Variants in GPKOW observed in about 807,000 individuals in gnomAD.
GPKOW encodes the protein G-patch domain and KOW motifs.
For missense variants in GPKOW, 359 were observed against 404.7 expected (o/e 0.89, Z 0.97); for synonymous variants, 167 against 159.1 (o/e 1.05, Z -0.37).
chrX:49,118,235 C>T (rs1240451865), intron 4 of GPKOW, among the ~76,000 whole-genome samples: 3 of 110,872 alleles, frequency 2.7e-5, no homozygotes, highest in African/African-American at 9.8e-5. Flanking sequence ...CCAATATTTT[C>T]AAGGTTGCCC....
At chrX:49,117,552 T>C (rs781855310) in intron 5 of GPKOW, 45 bp downstream of exon 5, 7 of 970,213 alleles carry the variant, frequency 7.2e-6, no homozygotes, top group Non-Finnish European at 1.0e-5. Flanking sequence ...GGATCAACCT[T>C]CCCTGCTGCC....
chrX:49,115,639 G>A (rs782430205), intron 9 of GPKOW, 87 bp downstream of exon 9: 1 of 772,697 alleles, frequency 1.3e-6, no homozygotes, highest in Admixed American at 2.3e-5. Flanking sequence ...CCTGAACTCT[G>A]CCAAACCTCC....
chrX:49,115,665 C>G (rs1470779948), intron 9 of GPKOW, 61 bp downstream of exon 9: 4 of 990,088 alleles, frequency 4.0e-6, no homozygotes, highest in Non-Finnish European at 5.8e-6. Context: ...TTGCCTGGGC[C>G]AGGCTCTGGG....
Position 49,113,607 on chromosome X carries a change from A to G in GPKOW, c.*14T>C, listed in dbSNP as rs2065179539. On this transcript the variant is annotated 3_prime_UTR_variant, in exon 11 of 11. Coordinates refer to ENST00000156109, the MANE Select transcript of GPKOW (RefSeq NM_015698.6). The stretch of plus-strand genomic sequence containing the variant: ...AACTGGTACCAGCCTGGGGGATGGG[A>G]GGAGTCCCATGGGTCAGTCATCATC... 1.7e-6 allele frequency: 2 copies of G among 1,205,676 alleles called. No homozygotes were observed. The highest frequency in any genetic ancestry group is 1.8e-5 in the African/African-American group (1 of 56,910).
At chrX:49,116,197 C>A (rs1557090230) in intron 7 of GPKOW, 24 bp downstream of exon 7, 1 of 1,133,024 alleles carries the variant, frequency 8.8e-7, no homozygotes, top group Non-Finnish European at 1.2e-6. Flanking sequence ...CTTCTTGACC[C>A]CTCCCGCATG....
intron 4 of GPKOW, 25 bp downstream of exon 4, chrX:49,119,680 C>T (rs782384923): frequency 7.4e-6 from 7 of 950,368 alleles, no homozygotes; most frequent in Non-Finnish European, 1.1e-5. Flanking sequence ...TCTGTCTGTC[C>T]CCTCGACCCT....
intron 4 of GPKOW, among the ~76,000 whole-genome samples, chrX:49,118,769 C>T (rs1557090666): frequency 1.0e-5 from 1 of 96,551 alleles, no homozygotes; most frequent in Non-Finnish European, 2.0e-5. Context: ...AAAAAAAACG[C>T]CAATTCAGGT....
intron 3 of GPKOW, 105 bp downstream of exon 3, chrX:49,122,293 G>A: frequency 1.5e-6 from 1 of 646,385 alleles, no homozygotes; most frequent in Non-Finnish European, 2.2e-6. Flanking sequence ...GCAGGTGGCG[G>A]GCCTCTAGCA....
At chrX:49,118,040 C>T (rs2065200196) in intron 4 of GPKOW, among the ~76,000 whole-genome samples, 1 of 110,120 alleles carries the variant, frequency 9.1e-6, no homozygotes, top group Non-Finnish European at 1.9e-5. Flanking sequence ...CCTGCCTCAG[C>T]CTCCCGAGTT....
At chrX:49,119,072 C>A (rs1181351920) in intron 4 of GPKOW, among the ~76,000 whole-genome samples, 1 of 106,234 alleles carries the variant, frequency 9.4e-6, no homozygotes, top group African/African-American at 3.4e-5. Context: ...CTGCCTCAGC[C>A]TCCTGAGTAG....
chrX:49,122,292 G>T, intron 3 of GPKOW, 106 bp downstream of exon 3: 2 of 633,075 alleles, frequency 3.2e-6, no homozygotes, highest in South Asian at 4.1e-5. Flanking sequence ...GGCAGGTGGC[G>T]GGCCTCTAGC....
chrX:49,113,517 C>T lies in GPKOW; in HGVS notation c.*104G>A, dbSNP rs2065179172. 4 of 816,941 alleles carry T rather than the reference C, an allele frequency of 4.9e-6. No homozygotes were observed. Among genetic ancestry groups the T allele is most frequent in the Non-Finnish European group, 7.2e-6 (4 of 553,664 alleles). The allele number at this position is 816,941 out of a possible 1,213,427, so 67.3% of individuals were successfully genotyped here. Reference sequence around the variant, plus strand: ...CCCTTGTCCTTGTCCCAGGACTGCACCAGAAGTAGAGGATGGAACAATGAT... The same window carrying T: ...CCCTTGTCCTTGTCCCAGGACTGCATCAGAAGTAGAGGATGGAACAATGAT... On this transcript the variant is annotated 3_prime_UTR_variant, in exon 11 of 11. Coordinates refer to ENST00000156109, the MANE Select transcript of GPKOW (RefSeq NM_015698.6).
At chrX:49,115,582 T>C in intron 9 of GPKOW, 144 bp downstream of exon 9, 2 of 450,777 alleles carry the variant, frequency 4.4e-6, no homozygotes, top group Non-Finnish European at 7.9e-6. Context: ...ACCACCATCA[T>C]GGAAGTGTCT....
At chrX:49,117,833 G>C in intron 4 of GPKOW, 23 bp from the exon 5 acceptor site, 1 of 1,045,683 alleles carries the variant, frequency 9.6e-7, no homozygotes, top group East Asian at 3.2e-5. Flanking sequence ...ATATGGGTTT[G>C]TTGGAGAGGA....
chrX:49,116,772 T>C (rs1379971141), intron 6 of GPKOW, among the ~76,000 whole-genome samples: 1 of 111,672 alleles, frequency 9.0e-6, no homozygotes, highest in Non-Finnish European at 1.9e-5. Flanking sequence ...ATCTCGAAGG[T>C]AGGAATTGGT....
rs868990989 is a variant in GPKOW, at chrX:49,123,695, G to A, written c.28C>T (p.Pro10Ser). The A allele has an allele frequency of 4.1e-6, 5 of 1,204,933 alleles. No homozygotes were observed. The African/African-American group carries it at 8.7e-5, about 21-fold the overall frequency. MADSKEGVL[P>S]LTAASTAPIS... ...GGGGCAGTGGAAGCAGCCGTCAGCGGCAAAACACCCTCTTTGGAGTCAGCC... is the reference window on the plus strand; with the variant it reads ...GGGGCAGTGGAAGCAGCCGTCAGCGACAAAACACCCTCTTTGGAGTCAGCC... The change falls in exon 1 of 11, where the codon CCG becomes TCG. Residue 10 changes from proline (P) to serine (S), a missense_variant. By Grantham distance (74) the Pro-to-Ser change is moderately conservative. Transcript: ENST00000156109.
intron 9 of GPKOW, among the ~76,000 whole-genome samples, chrX:49,114,250 C>T (rs2065182682): frequency 9.0e-6 from 1 of 110,752 alleles, no homozygotes; most frequent in Non-Finnish European, 1.9e-5. Flanking sequence ...AACGATTCTC[C>T]TGCCTCAGCC....
At chrX:49,118,712 C>T (rs1278843014) in intron 4 of GPKOW, among the ~76,000 whole-genome samples, 1 of 76,386 alleles carries the variant, frequency 1.3e-5, no homozygotes, top group African/African-American at 5.2e-5. Flanking sequence ...GCATCCCAGC[C>T]TGGGTGACAG....
At chrX:49,114,428 C>G (rs1303113088) in intron 9 of GPKOW, among the ~76,000 whole-genome samples, 1 of 106,118 alleles carries the variant, frequency 9.4e-6, no homozygotes, top group Non-Finnish European at 1.9e-5. Flanking sequence ...CATGAGCCAC[C>G]GCGCCCAGCC....
Sources: gnomAD v4.1 joint callset for allele counts (sites outside exome capture counted in the v4.1 genomes callset) on GRCh38, gnomAD v4.1.1 for gene constraint, MANE v1.5 for transcripts, NCBI Gene and HGNC (gene_info 2026-07-23, HGNC 2026-07-21) for gene names.